Variants in GRB10 observed in about 807,000 individuals in gnomAD.
GRB10 encodes growth factor receptor-bound protein 10.
In GRB10, 20 loss-of-function variants were observed where a neutral mutation model predicts 80.9. That is an observed-to-expected ratio of 0.25 (90% confidence interval 0.17 to 0.36). The LOEUF (loss-of-function observed/expected upper bound fraction) is 0.36. Among genes scored for constraint, GRB10 ranks in the 10% least tolerant of loss-of-function variants. The pLI is 1.00. For missense variants in GRB10, 548 were observed against 747.7 expected, an observed-to-expected ratio of 0.73 and a Z score of 3.12; for synonymous variants, 291 against 291.5, an observed-to-expected ratio of 1.00 and a Z score of 0.02.
chr7:50,667,915 G>C (rs1357455999), intron 7 of GRB10, among the ~76,000 whole-genome samples: 1 of 152,214 alleles, frequency 6.6e-6, no homozygotes. Flanking sequence ...CAAAGGCTGA[G>C]AGAGCCAGAT....
chr7:50,610,299 C>T (rs148088129), intron 13 of GRB10, among the ~76,000 whole-genome samples: 55 of 152,350 alleles, frequency 3.6e-4, no homozygotes, highest in African/African-American at 1.3e-3. Context: ...AATGGCGTTT[C>T]GATTGCATTA....
intron 4 of GRB10, among the ~76,000 whole-genome samples, chr7:50,728,652 A>G (rs2069083965): frequency 6.6e-6 from 1 of 152,150 alleles, no homozygotes; most frequent in Non-Finnish European, 1.5e-5. Context: ...ACAAAACCCA[A>G]TGGCCAAGTT....
At chr7:50,721,669 G>T (rs1440547575) in intron 4 of GRB10, among the ~76,000 whole-genome samples, 3 of 152,136 alleles carry the variant, frequency 2.0e-5, no homozygotes, top group Non-Finnish European at 4.4e-5. Context: ...TGGGGACGGG[G>T]TCTCACCTCA....
At chr7:50,704,687 G>A (rs536127609) in intron 4 of GRB10, among the ~76,000 whole-genome samples, 2 of 152,208 alleles carry the variant, frequency 1.3e-5, no homozygotes, top group Non-Finnish European at 2.9e-5. Flanking sequence ...AAATATCATA[G>A]TTGACTTCAG....
chr7:50,689,952 A>C (rs2062597708), intron 5 of GRB10, among the ~76,000 whole-genome samples: 1 of 151,962 alleles, frequency 6.6e-6, no homozygotes, highest in Non-Finnish European at 1.5e-5. Context: ...ATCTGGAATG[A>C]CTAGACTCTG....
chr7:50,615,719 G>A (rs903058354), intron 11 of GRB10, among the ~76,000 whole-genome samples: 2 of 152,240 alleles, frequency 1.3e-5, no homozygotes, highest in Admixed American at 6.5e-5. Flanking sequence ...GGGAGCAAAG[G>A]AGCCTCCGGC....
intron 4 of GRB10, among the ~76,000 whole-genome samples, chr7:50,713,624 C>CTG (rs2066288568): frequency 4.6e-4 from 58 of 127,024 alleles, no homozygotes; most frequent in African/African-American, 1.3e-3. Context: ...TCCACCTCCT[C>CTG]CACCATCACC....
intron 10 of GRB10, among the ~76,000 whole-genome samples, chr7:50,617,720 C>T (rs1585754940): frequency 1.3e-5 from 2 of 152,244 alleles, no homozygotes; most frequent in African/African-American, 4.8e-5. Flanking sequence ...GACCTGGGAC[C>T]CCTGCTCAGA....
At chr7:50,595,860 T>C (rs2046553491) in intron 17 of GRB10, 1 of 262,234 alleles carries the variant, frequency 3.8e-6, no homozygotes, top group Non-Finnish European at 7.4e-6. Flanking sequence ...GCTCAAAGAA[T>C]AATGAGGACA....
At chr7:50,661,394 T>A (rs2059256104) in intron 7 of GRB10, among the ~76,000 whole-genome samples, 1 of 152,228 alleles carries the variant, frequency 6.6e-6, no homozygotes, top group Non-Finnish European at 1.5e-5. Flanking sequence ...GGTTAAACTA[T>A]GTGACTAATT....
intron 5 of GRB10, among the ~76,000 whole-genome samples, chr7:50,685,609 C>G (rs780603836): frequency 6.6e-6 from 1 of 152,118 alleles, no homozygotes; most frequent in Non-Finnish European, 1.5e-5. Context: ...GAGTTCATGA[C>G]GCTCCCAGTT....
At chr7:50,718,245 T>A (rs565887810) in intron 4 of GRB10, among the ~76,000 whole-genome samples, 9 of 152,124 alleles carry the variant, frequency 5.9e-5, no homozygotes, top group Non-Finnish European at 1.0e-4. Context: ...GGAGGCCAGT[T>A]TGGGGAATGG....
At chr7:50,617,490 C>G (rs1372854454) in intron 10 of GRB10, among the ~76,000 whole-genome samples, 1 of 152,176 alleles carries the variant, frequency 6.6e-6, no homozygotes, top group Non-Finnish European at 1.5e-5. Flanking sequence ...TGTGTGAGAG[C>G]TGGGCACAGA....
chr7:50,642,654 G>T (rs1039234332), intron 7 of GRB10, among the ~76,000 whole-genome samples: 1 of 152,166 alleles, frequency 6.6e-6, no homozygotes, highest in African/African-American at 2.4e-5. Context: ...TACTCAGCTA[G>T]TAAGTGTACT....
At chr7:50,757,162 CAG>C (rs1455127768) in intron 2 of GRB10, among the ~76,000 whole-genome samples, 1 of 152,162 alleles carries the variant, frequency 6.6e-6, no homozygotes, top group Non-Finnish European at 1.5e-5. Context: ...ATCCAGGCAC[CAG>C]AGAGTCTTGG....
rs1053037751 is a variant in GRB10, at chr7:50,676,342, G to C, written c.140-1684C>G. Among the ~76,000 whole-genome samples the C allele has an allele frequency of 2.1e-4, 31 of 150,358 alleles. 1 individual carries two copies. The highest frequency in any genetic ancestry group is 6.6e-4 in the South Asian group (3 of 4,570). On this transcript the variant is annotated intron_variant, in intron 5 of 18. Transcript: ENST00000401949. ...CAATAGTGTCCACCCCACCGGGGGG[G>C]GGGGGGGGTTGTAAGGACTAGGTTA... is the stretch of plus-strand genomic sequence containing the variant.
chr7:50,607,179 T>C (rs2048692555), intron 13 of GRB10: 1 of 152,462 alleles, frequency 6.6e-6, no homozygotes, highest in Non-Finnish European at 1.5e-5. Flanking sequence ...AGGAGGTGGC[T>C]ACAAAATTAT....
At chr7:50,723,990 T>A (rs1242151692) in intron 4 of GRB10, among the ~76,000 whole-genome samples, 1 of 151,980 alleles carries the variant, frequency 6.6e-6, no homozygotes, top group African/African-American at 2.4e-5. Context: ...CACAGCGGAG[T>A]CACATCAGGC....
At chr7:50,704,464 C>T (rs916904636) in intron 4 of GRB10, among the ~76,000 whole-genome samples, 3 of 152,084 alleles carry the variant, frequency 2.0e-5, no homozygotes, top group African/African-American at 7.2e-5. Flanking sequence ...CTGCATGGGA[C>T]CAGAAGCCAA....
Sources: allele counts gnomAD v4.1 joint callset (sites outside exome capture counted in the v4.1 genomes callset), GRCh38; gene constraint gnomAD v4.1.1; transcripts MANE v1.5; gene names NCBI Gene and HGNC (gene_info 2026-07-23, HGNC 2026-07-21).